CASTOR2: variants seen among roughly 807,000 people sequenced by gnomAD.
The protein encoded by CASTOR2 is cytosolic arginine sensor for mTORC1 subunit 2, also known as GATS protein like 2.
A neutral mutation model predicts 31.2 loss-of-function variants in CASTOR2; 8 were observed. The observed-to-expected ratio is 0.26, with a 90% CI of 0.15 to 0.46. The LOEUF (loss-of-function observed/expected upper bound fraction) is 0.46, where lower values mean the gene tolerates loss of function less well. Ranked by LOEUF, CASTOR2 falls within the 20% of genes least tolerant of loss-of-function variation. The pLI is 0.99. For missense variants in CASTOR2, 216 were observed against 382.1 expected, an observed-to-expected ratio of 0.57 and a Z score of 3.62; for synonymous variants, 162 against 158.7, an observed-to-expected ratio of 1.02 and a Z score of -0.16.
intron 7 of CASTOR2, among the ~76,000 whole-genome samples, chr7:75,022,990 C>T (rs1251613029): frequency 6.6e-6 from 1 of 152,152 alleles, no homozygotes; most frequent in Non-Finnish European, 1.5e-5. Flanking sequence ...CAACACTTTA[C>T]TCCTAAATGC....
At position 75,027,920 on chromosome 7, in the gene CASTOR2, G is replaced by T; in HGVS notation, c.*3221G>T. 8.4e-7 allele frequency: 1 copy of T among 1,189,764 alleles called. No individual in the cohort carries two copies. Among genetic ancestry groups the T allele is most frequent in the Non-Finnish European group, 1.2e-6 (1 of 833,572 alleles). The allele number at this position is 1,189,764 out of a possible 1,614,324, so 73.7% of individuals were successfully genotyped here. A position where few individuals can be genotyped will look rare whatever the true frequency, so the allele number is the denominator to read the frequency against. On this transcript the variant is annotated 3_prime_UTR_variant, in exon 9 of 9. Coordinates refer to ENST00000616305, the MANE Select transcript of CASTOR2 (RefSeq NM_001145064.3). ...CTATCTCCTGGTCTGCTGGGTGGGAGGGTCTCTCCAGGCCCCAGACCCCAC... is the reference window on the plus strand; with the variant it reads ...CTATCTCCTGGTCTGCTGGGTGGGATGGTCTCTCCAGGCCCCAGACCCCAC...
In CASTOR2 at chr7:75,026,189, G is replaced by GGTTTTTTTTTTTTTTTTTTT. The variant is rs1554440884; in HGVS notation, c.*1490_*1491insGTTTTTTTTTTTTTTTTTTT. Among the ~76,000 whole-genome samples the GGTTTTTTTTTTTTTTTTTTT allele has an allele frequency of 7.6e-5, 9 of 117,744 alleles. No individual in the cohort carries two copies. Among genetic ancestry groups the GGTTTTTTTTTTTTTTTTTTT allele is most frequent in the Middle Eastern group, 5.8e-3 (1 of 172 alleles). 77.2% of individuals were successfully genotyped at this position (117,744 alleles called of 152,430 possible). ...CCCTGTGGTTTTGGCTCTGGCGGGG[G>GGTTTTTTTTTTTTTTTTTTT]TTTTTTTTTTTTTTTTTGAGATGGG... On this transcript the variant is annotated 3_prime_UTR_variant, in exon 9 of 9. Coordinates refer to ENST00000616305, the MANE Select transcript of CASTOR2 (RefSeq NM_001145064.3).
chr7:75,002,763 C>T (rs1463303527), intron 1 of CASTOR2, among the ~76,000 whole-genome samples: 10 of 151,754 alleles, frequency 6.6e-5, no homozygotes, highest in Admixed American at 6.6e-4. Flanking sequence ...GGTGGAGAGG[C>T]GAAAACGGAT....
rs1290466245 is a variant in CASTOR2, at chr7:74,977,099, G to A, written c.113+12001G>A. On this transcript the variant is annotated intron_variant, in intron 1 of 8. Transcript: ENST00000616305. ...CTGGGGAGGCTGAGGCAGGAGAATC[G>A]CTTGAACCTGGAAGGCAGAGGTTGC... is the stretch of plus-strand genomic sequence containing the variant. Among the ~76,000 whole-genome samples, 5 of 147,326 alleles carry A rather than the reference G, an allele frequency of 3.4e-5. No homozygotes were observed. The East Asian group carries it at 1.0e-3, about 31-fold the overall frequency.
At chr7:74,988,184 C>A (rs1804117780) in intron 1 of CASTOR2, among the ~76,000 whole-genome samples, 1 of 147,620 alleles carries the variant, frequency 6.8e-6, no homozygotes, top group East Asian at 2.0e-4. Flanking sequence ...GGCTGGAGTT[C>A]AGTGGTGCCA....
rs1387073235 is a variant in CASTOR2 at position 75,026,320 on chromosome 7, G to C, written c.*1621G>C. On this transcript the variant is annotated 3_prime_UTR_variant, in exon 9 of 9. Transcript: ENST00000616305. ...TTCTCCTGCCTCGGCCTCCCAAGTA[G>C]CTGGGATTACAGGCACGCACCACCA... 6.6e-6 allele frequency among the ~76,000 whole-genome samples: 1 copy of C among 151,816 alleles called. No individual in the cohort carries two copies. Among genetic ancestry groups the C allele is most frequent in the Admixed American group, 6.6e-5 (1 of 15,204 alleles).
chr7:74,977,160 G>A (rs1460490023), intron 1 of CASTOR2, among the ~76,000 whole-genome samples: 2 of 143,156 alleles, frequency 1.4e-5, no homozygotes, highest in Non-Finnish European at 3.1e-5. Flanking sequence ...CTCCAGCCTG[G>A]GTGACAAGAG....
rs1805184264 is a variant in CASTOR2 at position 75,027,951 on chromosome 7, G to A, written c.*3252G>A. 95 of 1,428,160 alleles carry A rather than the reference G, an allele frequency of 6.7e-5. No individual in the cohort carries two copies. Among genetic ancestry groups the A allele is most frequent in the Non-Finnish European group, 8.6e-6 (9 of 1,050,594 alleles). The allele number at this position is 1,428,160 out of a possible 1,614,324, so 88.5% of individuals were successfully genotyped here. A position where few individuals can be genotyped will look rare whatever the true frequency, so the allele number is the denominator to read the frequency against. Reference sequence around the variant, plus strand: ...CTCCAGGCCCCAGACCCCACTTGGAGGGGCATGTGTTTCTCAGAGGGGCTC... The same window carrying A: ...CTCCAGGCCCCAGACCCCACTTGGAAGGGCATGTGTTTCTCAGAGGGGCTC... On this transcript the variant is annotated 3_prime_UTR_variant, in exon 9 of 9. Transcript: ENST00000616305.
chr7:75,002,216 A>C (rs1406132800), intron 1 of CASTOR2, among the ~76,000 whole-genome samples: 1 of 151,020 alleles, frequency 6.6e-6, no homozygotes, highest in East Asian at 2.0e-4. Flanking sequence ...ATGAGCCACC[A>C]TGCCTGGCCA....
At chr7:75,015,980 T>C (rs1411487521) in intron 2 of CASTOR2, among the ~76,000 whole-genome samples, 6 of 152,080 alleles carry the variant, frequency 3.9e-5, no homozygotes. Context: ...GGCAGGAGAA[T>C]TGCTTGAACC....
rs1308532215 is a variant in CASTOR2 at position 75,028,922 on chromosome 7, A to G, written c.*4223A>G. ...ACCACTGGCATTCTCACCTCCTCTCACCTCCAGGCACCAGGCTGCTGGTGG... is the reference window on the plus strand; with the variant it reads ...ACCACTGGCATTCTCACCTCCTCTCGCCTCCAGGCACCAGGCTGCTGGTGG... On this transcript the variant is annotated 3_prime_UTR_variant, in exon 9 of 9. Transcript: ENST00000616305. Among the ~76,000 whole-genome samples the G allele has an allele frequency of 6.6e-6, 1 of 151,682 alleles. No individual in the cohort carries two copies. The highest frequency in any genetic ancestry group is 1.5e-5 in the Non-Finnish European group (1 of 67,920).
At chr7:75,012,405 C>T (rs1167925422) in intron 2 of CASTOR2, among the ~76,000 whole-genome samples, 2 of 152,014 alleles carry the variant, frequency 1.3e-5, no homozygotes, top group Admixed American at 6.6e-5. Flanking sequence ...CAGGTTCAAG[C>T]GATTCTCCTG....
chr7:74,971,045 G>T (rs1367643065), intron 1 of CASTOR2, among the ~76,000 whole-genome samples: 1 of 150,930 alleles, frequency 6.6e-6, no homozygotes, highest in Admixed American at 6.6e-5. Flanking sequence ...GCCCAGGCTG[G>T]AGTATAGTGG....
intron 2 of CASTOR2, among the ~76,000 whole-genome samples, chr7:75,016,037 GC>G (rs1804855733): frequency 1.3e-5 from 2 of 152,054 alleles, no homozygotes; most frequent in Non-Finnish European, 2.9e-5. Flanking sequence ...ATGTACTCCA[GC>G]CTGGGTGACA....
intron 1 of CASTOR2, among the ~76,000 whole-genome samples, chr7:74,987,868 T>C (rs1422978810): frequency 1.3e-5 from 2 of 151,822 alleles, no homozygotes; most frequent in Non-Finnish European, 2.9e-5. Context: ...ACCACACAGC[T>C]GGCCAATTTT....
rs1320916291 is a variant in CASTOR2, at chr7:75,028,676, C to T, written c.*3977C>T. Among the ~76,000 whole-genome samples the T allele has an allele frequency of 6.6e-6, 1 of 152,166 alleles. No individual in the cohort carries two copies. The highest frequency in any genetic ancestry group is 1.5e-5 in the Non-Finnish European group (1 of 68,026). On this transcript the variant is annotated 3_prime_UTR_variant, in exon 9 of 9. Coordinates refer to ENST00000616305, the MANE Select transcript of CASTOR2 (RefSeq NM_001145064.3). ...CCTGGTTCCCAAGACACCCCTTCCT[C>T]CCTCAGCCCGTCGTCCTAACCCAGC...
intron 2 of CASTOR2, among the ~76,000 whole-genome samples, chr7:75,009,909 A>C (rs1282311456): frequency 1.4e-5 from 2 of 144,484 alleles, no homozygotes; most frequent in Non-Finnish European, 3.0e-5. Context: ...TTTTTTTTTA[A>C]GAAACAGGTT....
chr7:75,021,988 A>T (rs1260352231), intron 7 of CASTOR2, 32 bp downstream of exon 7: 54 of 1,549,362 alleles, frequency 3.5e-5, no homozygotes, highest in Middle Eastern at 1.7e-4. Context: ...TGGGGAATTG[A>T]GGGAGCTGGC....
At chr7:74,991,274 C>T (rs1584464785) in intron 1 of CASTOR2, among the ~76,000 whole-genome samples, 1 of 152,040 alleles carries the variant, frequency 6.6e-6, no homozygotes. Flanking sequence ...GGACCGTGAT[C>T]CCTGGAGGGA....
Sources: gnomAD v4.1 joint callset for allele counts (sites outside exome capture counted in the v4.1 genomes callset) on GRCh38, gnomAD v4.1.1 for gene constraint, MANE v1.5 for transcripts, NCBI Gene and HGNC (gene_info 2026-07-23, HGNC 2026-07-21) for gene names.